AHI1: variants seen among roughly 807,000 people sequenced by gnomAD.
AHI1 encodes the protein jouberin.
A neutral mutation model predicts 149.3 loss-of-function variants in AHI1; 123 were observed. The observed-to-expected ratio is 0.82, with a 90% confidence interval of 0.71 to 0.96. AHI1 has a LOEUF of 0.96. Ranked by LOEUF, AHI1 falls within the 40% of genes least tolerant of loss-of-function variation. AHI1 has a pLI of 0.00. For missense variants in AHI1, 1,439 were observed against 1,422.7 expected (o/e 1.01, Z -0.18); for synonymous variants, 475 against 459.8 (o/e 1.03, Z -0.42).
At chr6:135,351,851 TG>T (rs1792161479) in intron 24 of AHI1, among the ~76,000 whole-genome samples, 1 of 152,174 alleles carries the variant, frequency 6.6e-6, no homozygotes, top group African/African-American at 2.4e-5. Flanking sequence ...TTCTAAAGAC[TG>T]GACCTGCGCC....
intron 5 of AHI1, among the ~76,000 whole-genome samples, chr6:135,476,971 A>G (rs1202514002): frequency 6.6e-6 from 1 of 151,784 alleles, no homozygotes; most frequent in Non-Finnish European, 1.5e-5. Context: ...GATATTGCTG[A>G]GTTTAAATAC....
chr6:135,427,817 G>C (rs1354997245), intron 19 of AHI1, among the ~76,000 whole-genome samples: 1 of 151,236 alleles, frequency 6.6e-6, no homozygotes, highest in Non-Finnish European at 1.5e-5. Flanking sequence ...CTAAAGTAGA[G>C]ATCTGTGGAA....
chr6:135,387,205 G>GAAAAACT (rs1777735435), intron 23 of AHI1, among the ~76,000 whole-genome samples: 1 of 152,084 alleles, frequency 6.6e-6, no homozygotes, highest in South Asian at 2.1e-4. Context: ...CTTAAGAGAG[G>GAAAAACT]AAAAACTACA....
chr6:135,303,550 G>T (rs1784155669), intron 26 of AHI1, among the ~76,000 whole-genome samples: 1 of 151,102 alleles, frequency 6.6e-6, no homozygotes, highest in African/African-American at 2.4e-5. Context: ...GCCTCTCTTG[G>T]GGTCTTTTTT....
intron 23 of AHI1, among the ~76,000 whole-genome samples, chr6:135,374,104 ATATATTTTTTTTTT>A (rs1775514498): frequency 6.2e-5 from 2 of 32,084 alleles, no homozygotes; most frequent in African/African-American, 2.4e-4. Context: ...ATATATATAT[ATATATTTTTTTTTT>A]TTTTTTTTTT....
At chr6:135,481,968 T>C (rs1364812739) in intron 5 of AHI1, among the ~76,000 whole-genome samples, 2 of 151,950 alleles carry the variant, frequency 1.3e-5, no homozygotes, top group African/African-American at 4.8e-5. Flanking sequence ...TTCTCCTATA[T>C]AAAATGTCTT....
intron 10 of AHI1, among the ~76,000 whole-genome samples, chr6:135,453,841 T>C (rs906008582): frequency 6.6e-6 from 1 of 152,100 alleles, no homozygotes; most frequent in Non-Finnish European, 1.5e-5. Flanking sequence ...CTTCCTGAAG[T>C]TGGGGTTTTT....
intron 5 of AHI1, chr6:135,490,322 G>A: frequency 1.5e-6 from 1 of 681,652 alleles, no homozygotes; most frequent in Non-Finnish European, 2.7e-6. Flanking sequence ...ACAATTCTGG[G>A]TTAAAAATAT....
intron 25 of AHI1, among the ~76,000 whole-genome samples, chr6:135,321,687 C>T (rs1786852267): frequency 6.6e-6 from 1 of 152,190 alleles, no homozygotes; most frequent in Admixed American, 6.5e-5. Flanking sequence ...TAAACAGTTT[C>T]ATGGACTAGC....
intron 23 of AHI1, among the ~76,000 whole-genome samples, chr6:135,374,201 C>T (rs1775559975): frequency 6.7e-6 from 1 of 148,218 alleles, no homozygotes; most frequent in African/African-American, 2.5e-5. Context: ...GCAAGCTCCA[C>T]CTCCAGGTTC....
At chr6:135,292,691 A>T (rs1782516439) in intron 27 of AHI1, among the ~76,000 whole-genome samples, 1 of 152,260 alleles carries the variant, frequency 6.6e-6, no homozygotes, top group Admixed American at 6.5e-5. Context: ...CACTGGCCTT[A>T]CTAGACAAAG....
At chr6:135,482,039 T>TG (rs1793734911) in intron 5 of AHI1, among the ~76,000 whole-genome samples, 1 of 152,118 alleles carries the variant, frequency 6.6e-6, no homozygotes, top group Non-Finnish European at 1.5e-5. Flanking sequence ...AACTGTAGTA[T>TG]GATTTTTTCA....
intron 24 of AHI1, among the ~76,000 whole-genome samples, chr6:135,348,640 T>C (rs1292407464): frequency 6.6e-6 from 1 of 152,204 alleles, no homozygotes; most frequent in Non-Finnish European, 1.5e-5. Flanking sequence ...CTCATGTTTT[T>C]GAATAAAGAA....
At chr6:135,472,661 C>A (rs886302958) in intron 5 of AHI1, among the ~76,000 whole-genome samples, 41 of 152,164 alleles carry the variant, frequency 2.7e-4, no homozygotes, top group African/African-American at 9.4e-4. Flanking sequence ...GCACTTAATA[C>A]TGTCAATTTT....
At chr6:135,413,725 C>T (rs1781939356) in intron 20 of AHI1, among the ~76,000 whole-genome samples, 1 of 83,492 alleles carries the variant, frequency 1.2e-5, no homozygotes, top group Non-Finnish European at 2.9e-5. Context: ...AATTAAGAAC[C>T]AAAAATTGAA....
intron 21 of AHI1, among the ~76,000 whole-genome samples, chr6:135,410,122 G>C (rs1781370528): frequency 6.6e-6 from 1 of 152,136 alleles, no homozygotes; most frequent in African/African-American, 2.4e-5. Context: ...TACTCTGGGA[G>C]GCTGAGGCAA....
rs550657872 is a variant in AHI1, at chr6:135,374,391, C to A, written c.3110-16204G>T. Among the ~76,000 whole-genome samples, 4 of 151,896 alleles carry A rather than the reference C, an allele frequency of 2.6e-5. No homozygotes were observed. The South Asian group carries it at 8.3e-4, about 32-fold the overall frequency. On this transcript the variant is annotated intron_variant, in intron 23 of 28. Coordinates refer to ENST00000265602, the MANE Select transcript of AHI1 (RefSeq NM_001134831.2). ...CCTCCCAAAGTGCTGGGATTACAGG[C>A]GTGAGCCACCGCGCTCGGCCCTTTT...
chr6:135,318,559 T>A lies in AHI1; in HGVS notation c.3386A>T (p.Glu1129Val). Residue 1129 changes from glutamate to valine, a missense_variant, in exon 26 of 29, where the codon GAG (glutamate) becomes GTG (valine). Coordinates refer to ENST00000265602, the MANE Select transcript of AHI1 (RefSeq NM_001134831.2). ...AGATTTTTCTATTTTAGTTTTTTCC[T>A]CAGGGCTTAAAGGAGGGGATCGCTC... ...IKERSPPLSPEEKTKIEKSPA... is the reference protein window; with the variant it reads ...IKERSPPLSPVEKTKIEKSPA... 1 of 1,604,708 alleles carries A rather than the reference T, an allele frequency of 6.2e-7. No individual in the cohort carries two copies. Among genetic ancestry groups the A allele is most frequent in the Non-Finnish European group, 8.5e-7 (1 of 1,175,506 alleles).
chr6:135,428,977 G>C (rs1454710328), intron 18 of AHI1, among the ~76,000 whole-genome samples: 1 of 151,608 alleles, frequency 6.6e-6, no homozygotes, highest in Non-Finnish European at 1.5e-5. Flanking sequence ...GGAGAAACAT[G>C]TCAACGTAAA....
Sources: allele counts gnomAD v4.1 joint callset (sites outside exome capture counted in the v4.1 genomes callset), GRCh38; gene constraint gnomAD v4.1.1; transcripts MANE v1.5; gene names NCBI Gene and HGNC (gene_info 2026-07-23, HGNC 2026-07-21).